VEPH1: variants seen among roughly 807,000 people sequenced by gnomAD.
The protein encoded by VEPH1 is ventricular zone-expressed PH domain-containing protein homolog 1.
A neutral mutation model predicts 85.2 loss-of-function variants in VEPH1; 80 were observed. That is an observed-to-expected ratio of 0.94 (90% CI 0.78 to 1.13). VEPH1 has a LOEUF of 1.13. Among genes scored for constraint, VEPH1 ranks in the 50% most tolerant of loss-of-function variants. The pLI, the probability that VEPH1 is intolerant of heterozygous loss-of-function variation, is 0.00. For synonymous variants in VEPH1, 297 were observed against 348.0 expected, an observed-to-expected ratio of 0.85 and a Z score of 1.63; for missense variants, 955 against 980.5, an observed-to-expected ratio of 0.97 and a Z score of 0.35.
intron 9 of VEPH1, among the ~76,000 whole-genome samples, chr3:157,339,846 C>T (rs1470513949): frequency 6.6e-6 from 1 of 152,140 alleles, no homozygotes; most frequent in African/African-American, 2.4e-5. Flanking sequence ...TATTCCAAGC[C>T]AGCCTTACCT....
At chr3:157,454,900 C>T (rs544595970) in intron 4 of VEPH1, among the ~76,000 whole-genome samples, 12 of 152,238 alleles carry the variant, frequency 7.9e-5, no homozygotes, top group East Asian at 1.9e-4. Flanking sequence ...GCTGCATCCA[C>T]GTTGCTGCAA....
chr3:157,439,480 T>C (rs1376628121), intron 4 of VEPH1, among the ~76,000 whole-genome samples: 1 of 152,184 alleles, frequency 6.6e-6, no homozygotes, highest in Non-Finnish European at 1.5e-5. Context: ...AACCTATTAG[T>C]TAAAAGCCAT....
At chr3:157,393,172 AATG>A (rs1270257050) in intron 6 of VEPH1, among the ~76,000 whole-genome samples, 1 of 152,150 alleles carries the variant, frequency 6.6e-6, no homozygotes, top group African/African-American at 2.4e-5. Flanking sequence ...ATTCAAATAT[AATG>A]ATGATGGTAG....
At chr3:157,404,368 T>C (rs1731002481) in intron 6 of VEPH1, among the ~76,000 whole-genome samples, 1 of 152,148 alleles carries the variant, frequency 6.6e-6, no homozygotes, top group African/African-American at 2.4e-5. Flanking sequence ...AACCATCAGA[T>C]GCTAAACTCT....
At chr3:157,471,678 G>A (rs948905440) in intron 2 of VEPH1, among the ~76,000 whole-genome samples, 2 of 150,836 alleles carry the variant, frequency 1.3e-5, no homozygotes, top group Non-Finnish European at 2.9e-5. Flanking sequence ...AACTACCCAC[G>A]GTACCTTATA....
chr3:157,435,107 TA>T (rs915914528), intron 4 of VEPH1, among the ~76,000 whole-genome samples: 8 of 152,168 alleles, frequency 5.3e-5, no homozygotes, highest in East Asian at 1.9e-4. Flanking sequence ...TTTGGTTCTT[TA>T]AAAAAAATCA....
intron 4 of VEPH1, among the ~76,000 whole-genome samples, chr3:157,459,028 G>C (rs79741409): frequency 1.3e-5 from 2 of 152,136 alleles, no homozygotes; most frequent in Non-Finnish European, 2.9e-5. Flanking sequence ...CACTGCTCTG[G>C]GGCCTCTCTA....
intron 4 of VEPH1, among the ~76,000 whole-genome samples, chr3:157,444,268 G>A (rs1035035182): frequency 1.3e-5 from 2 of 152,186 alleles, no homozygotes; most frequent in African/African-American, 4.8e-5. Flanking sequence ...CATGAGGTTT[G>A]GAGAATAGGA....
intron 5 of VEPH1, among the ~76,000 whole-genome samples, chr3:157,417,940 C>A (rs1019469283): frequency 6.6e-6 from 1 of 152,132 alleles, no homozygotes; most frequent in African/African-American, 2.4e-5. Context: ...CTTGCCCCAT[C>A]CCTTCTCTTC....
chr3:157,367,530 C>A (rs544981857), intron 7 of VEPH1, among the ~76,000 whole-genome samples: 11 of 152,260 alleles, frequency 7.2e-5, no homozygotes, highest in African/African-American at 2.2e-4. Flanking sequence ...TTCCATGGAA[C>A]CTAATCACCC....
chr3:157,352,970 G>A (rs903928505), intron 9 of VEPH1, among the ~76,000 whole-genome samples: 1 of 152,180 alleles, frequency 6.6e-6, no homozygotes, highest in African/African-American at 2.4e-5. Context: ...AGCAGAGCTT[G>A]CAAACCCATG....
chr3:157,309,800 GAC>G (rs1719898840), intron 11 of VEPH1, among the ~76,000 whole-genome samples: 1 of 151,796 alleles, frequency 6.6e-6, no homozygotes, highest in South Asian at 2.1e-4. Flanking sequence ...TTATTTTTGA[GAC>G]AGAGTCTCAC....
At chr3:157,442,945 T>C in intron 4 of VEPH1, 1 of 1,613,220 alleles carries the variant, frequency 6.2e-7, no homozygotes, top group Non-Finnish European at 8.5e-7. Flanking sequence ...GTCACAGAGA[T>C]CCAGCCACAT....
intron 9 of VEPH1, among the ~76,000 whole-genome samples, chr3:157,341,338 A>C (rs1559973667): frequency 6.6e-6 from 1 of 152,180 alleles, no homozygotes; most frequent in Non-Finnish European, 1.5e-5. Context: ...AAATGACTTG[A>C]TGGAGCTGAA....
intron 3 of VEPH1, among the ~76,000 whole-genome samples, chr3:157,465,842 T>C (rs915594912): frequency 6.6e-6 from 1 of 152,242 alleles, no homozygotes; most frequent in African/African-American, 2.4e-5. Flanking sequence ...CCTGTTACCC[T>C]GCAGGCAGCC....
intron 6 of VEPH1, among the ~76,000 whole-genome samples, chr3:157,395,531 G>C (rs923769245): frequency 6.6e-6 from 1 of 152,124 alleles, no homozygotes; most frequent in African/African-American, 2.4e-5. Context: ...AGTGGTTGGG[G>C]AAAGAGCCTG....
intron 4 of VEPH1, chr3:157,438,037 GCA>G (rs781700719): frequency 0.032 from 15,433 of 477,752 alleles, 18 homozygotes; most frequent in Non-Finnish European, 0.039. Flanking sequence ...GCGCGCGCGC[GCA>G]CACACACACA....
chr3:157,483,456 A>AC (rs1482663188), intron 2 of VEPH1, among the ~76,000 whole-genome samples: 2 of 152,210 alleles, frequency 1.3e-5, no homozygotes, highest in Non-Finnish European at 1.5e-5. Flanking sequence ...ATATTTAAAA[A>AC]TTTCAGGTAA....
At chr3:157,442,303 C>A in intron 4 of VEPH1, 1 of 1,352,218 alleles carries the variant, frequency 7.4e-7, no homozygotes, top group South Asian at 1.5e-5. Flanking sequence ...TAACTAATGC[C>A]AGAATAATTC....
Sources: gnomAD v4.1 joint callset for allele counts (sites outside exome capture counted in the v4.1 genomes callset) on GRCh38, gnomAD v4.1.1 for gene constraint, MANE v1.5 for transcripts, NCBI Gene and HGNC (gene_info 2026-07-23, HGNC 2026-07-21) for gene names.